Variants in MACROD2 observed in about 807,000 individuals in gnomAD.
MACROD2 encodes the protein mono-ADP ribosylhydrolase 2, also known as ADP-ribose glycohydrolase MACROD2.
A neutral mutation model predicts 70.4 loss-of-function variants in MACROD2; 36 were observed. The observed-to-expected ratio is 0.51, with a 90% CI of 0.39 to 0.68. The LOEUF is 0.68. Among genes scored for constraint, MACROD2 ranks in the 30% least tolerant of loss-of-function variants. The probability of loss-of-function intolerance (pLI) is 0.00; values close to 1 mark genes in which losing one functional copy is unlikely to be tolerated. For synonymous variants in MACROD2, 172 were observed against 178.8 expected, an observed-to-expected ratio of 0.96 and a Z score of 0.30; for missense variants, 496 against 538.4, an observed-to-expected ratio of 0.92 and a Z score of 0.78.
chr20:14,762,438 T>TA (rs1164692188), intron 5 of MACROD2, among the ~76,000 whole-genome samples: 9 of 152,054 alleles, frequency 5.9e-5, no homozygotes, highest in African/African-American at 2.2e-4. Flanking sequence ...ACTAAGTAAA[T>TA]AAAACCATGC....
intron 3 of MACROD2, among the ~76,000 whole-genome samples, chr20:14,357,599 T>C (rs1305678720): frequency 3.3e-5 from 5 of 152,336 alleles, no homozygotes; most frequent in Middle Eastern, 3.4e-3. Flanking sequence ...ATTTCTATGT[T>C]AAATGTAGTG....
chr20:15,079,883 A>G (rs1418506870), intron 5 of MACROD2, among the ~76,000 whole-genome samples: 1 of 152,028 alleles, frequency 6.6e-6, no homozygotes, highest in Admixed American at 6.6e-5. Context: ...AGTCATTAAC[A>G]TCATTAGCAT....
chr20:15,704,162 T>A (rs1441164826), intron 8 of MACROD2, among the ~76,000 whole-genome samples: 2 of 152,034 alleles, frequency 1.3e-5, no homozygotes, highest in Non-Finnish European at 2.9e-5. Flanking sequence ...ATTTATTTAT[T>A]TATTTAATTT....
chr20:14,008,722 T>C (rs1459259584), intron 2 of MACROD2, among the ~76,000 whole-genome samples: 2 of 152,092 alleles, frequency 1.3e-5, no homozygotes, highest in African/African-American at 2.4e-5. Flanking sequence ...CAAACTATAC[T>C]ACAAGGCCAA....
chr20:15,097,159 C>A (rs1022356886), intron 5 of MACROD2, among the ~76,000 whole-genome samples: 1 of 152,056 alleles, frequency 6.6e-6, no homozygotes, highest in African/African-American at 2.4e-5. Flanking sequence ...CAATTGTATG[C>A]CAAAAATTAC....
At chr20:14,023,633 C>G (rs977050946) in intron 2 of MACROD2, among the ~76,000 whole-genome samples, 3 of 152,176 alleles carry the variant, frequency 2.0e-5, no homozygotes, top group African/African-American at 7.2e-5. Context: ...TGCCAGTTTT[C>G]CCAACACTGT....
intron 6 of MACROD2, among the ~76,000 whole-genome samples, chr20:15,371,793 T>G (rs1198179411): frequency 6.6e-6 from 1 of 152,152 alleles, no homozygotes; most frequent in Non-Finnish European, 1.5e-5. Flanking sequence ...AAATAAAACA[T>G]TATAGGAAAC....
chr20:14,797,602 C>A (rs1222435035), intron 5 of MACROD2, among the ~76,000 whole-genome samples: 1 of 152,224 alleles, frequency 6.6e-6, no homozygotes, highest in African/African-American at 2.4e-5. Context: ...ACTCAAATGA[C>A]ATTTCCTCAT....
intron 13 of MACROD2, among the ~76,000 whole-genome samples, chr20:15,979,369 G>T (rs780828340): frequency 2.6e-5 from 4 of 152,128 alleles, no homozygotes; most frequent in Admixed American, 6.5e-5. Context: ...CATGATGTCT[G>T]TTCCAGTGCC....
chr20:15,800,409 A>T (rs908679676), intron 8 of MACROD2, among the ~76,000 whole-genome samples: 1 of 152,048 alleles, frequency 6.6e-6, no homozygotes, highest in African/African-American at 2.4e-5. Flanking sequence ...AGTAGTTTTT[A>T]TAGTTTCAGG....
At chr20:15,528,308 T>C (rs576076192) in intron 8 of MACROD2, among the ~76,000 whole-genome samples, 2 of 152,316 alleles carry the variant, frequency 1.3e-5, no homozygotes, top group African/African-American at 4.8e-5. Flanking sequence ...CTAATTTTTG[T>C]ATTTTTAGTA....
chr20:15,959,557 C>T (rs2066028752), intron 12 of MACROD2, among the ~76,000 whole-genome samples: 1 of 152,118 alleles, frequency 6.6e-6, no homozygotes, highest in South Asian at 2.1e-4. Context: ...GAGACAGACT[C>T]GCACTGTGTC....
intron 2 of MACROD2, 151 bp downstream of exon 2, chr20:14,002,555 A>G (rs1303766059): frequency 7.2e-6 from 4 of 555,272 alleles, no homozygotes; most frequent in Non-Finnish European, 1.3e-5. Flanking sequence ...TTAGTAACCT[A>G]CGGTGTTTTT....
At chr20:14,837,366 C>CTCCCAGTGAGGATA (rs1375486307) in intron 5 of MACROD2, among the ~76,000 whole-genome samples, 1 of 152,004 alleles carries the variant, frequency 6.6e-6, no homozygotes, top group Non-Finnish European at 1.5e-5. Context: ...ATTAGATGTT[C>CTCCCAGTGAGGATA]ATAGGAGCTC....
At chr20:14,367,391 A>C (rs2083282299) in intron 3 of MACROD2, among the ~76,000 whole-genome samples, 1 of 152,134 alleles carries the variant, frequency 6.6e-6, no homozygotes, top group Non-Finnish European at 1.5e-5. Context: ...ACGTGATTTC[A>C]GGTTGCTGCC....
chr20:14,766,429 A>G (rs909680998), intron 5 of MACROD2, among the ~76,000 whole-genome samples: 2 of 152,142 alleles, frequency 1.3e-5, no homozygotes, highest in Non-Finnish European at 2.9e-5. Flanking sequence ...ACTTGGTGGT[A>G]AAAGGCAATT....
At chr20:15,605,835 C>T (rs766015271) in intron 8 of MACROD2, among the ~76,000 whole-genome samples, 10 of 152,170 alleles carry the variant, frequency 6.6e-5, no homozygotes, top group Non-Finnish European at 1.5e-4. Flanking sequence ...TTCCCTACTT[C>T]TTACACCATG....
At chr20:14,167,198 C>T (rs998298869) in intron 3 of MACROD2, among the ~76,000 whole-genome samples, 1 of 152,038 alleles carries the variant, frequency 6.6e-6, no homozygotes, top group African/African-American at 2.4e-5. Flanking sequence ...ATTCCTGTAG[C>T]ACTTATATAA....
chr20:15,624,090 T>C (rs2049167822), intron 8 of MACROD2, among the ~76,000 whole-genome samples: 1 of 152,176 alleles, frequency 6.6e-6, no homozygotes, highest in East Asian at 1.9e-4. Flanking sequence ...CTTCAGTCTA[T>C]GGCCAAAGGC....
Sources: allele counts gnomAD v4.1 joint callset (sites outside exome capture counted in the v4.1 genomes callset), GRCh38; gene constraint gnomAD v4.1.1; transcripts MANE v1.5; gene names NCBI Gene and HGNC (gene_info 2026-07-23, HGNC 2026-07-21).